Variants in PDE1C observed in about 807,000 individuals in gnomAD.
PDE1C encodes phosphodiesterase 1C.
PDE1C carries 62 observed loss-of-function variants against 93.1 expected under a neutral mutation model. The observed-to-expected ratio is 0.67, with a 90% CI of 0.54 to 0.82. The LOEUF is 0.82. Among genes scored for constraint, PDE1C ranks in the 40% least tolerant of loss-of-function variants. The pLI is 0.00. For synonymous variants in PDE1C, 325 were observed against 310.1 expected (o/e 1.05, Z -0.50); for missense variants, 742 against 884.6 (o/e 0.84, Z 2.04).
At chr7:31,850,088 A>T (rs1474283815) in intron 8 of PDE1C, among the ~76,000 whole-genome samples, 1 of 152,128 alleles carries the variant, frequency 6.6e-6, no homozygotes, top group Non-Finnish European at 1.5e-5. Flanking sequence ...AAGGATGCAC[A>T]GGTTGCTCAC....
intron 3 of PDE1C, among the ~76,000 whole-genome samples, chr7:32,079,490 C>T (rs1796536001): frequency 6.6e-6 from 1 of 152,194 alleles, no homozygotes; most frequent in Non-Finnish European, 1.5e-5. Flanking sequence ...ACCAATTTTT[C>T]TCTCTCATGA....
intron 2 of PDE1C, among the ~76,000 whole-genome samples, chr7:31,975,358 C>CA (rs1423715656): frequency 6.6e-6 from 1 of 152,134 alleles, no homozygotes; most frequent in Non-Finnish European, 1.5e-5. Context: ...TTACAGGTGA[C>CA]AAAAGCATCT....
chr7:32,360,093 G>T (rs2128085023), intron 1 of PDE1C, among the ~76,000 whole-genome samples: 1 of 152,258 alleles, frequency 6.6e-6, no homozygotes, highest in Admixed American at 6.5e-5. Context: ...GCAAAGGCCA[G>T]ACTCTCCCTT....
chr7:31,916,617 G>A (rs1457539673), intron 2 of PDE1C, among the ~76,000 whole-genome samples: 4 of 152,136 alleles, frequency 2.6e-5, no homozygotes, highest in Non-Finnish European at 5.9e-5. Flanking sequence ...GGTAGCTTTG[G>A]CATTGCTCAT....
At chr7:32,000,681 G>T (rs1329226175) in intron 2 of PDE1C, among the ~76,000 whole-genome samples, 1 of 152,094 alleles carries the variant, frequency 6.6e-6, no homozygotes, top group Non-Finnish European at 1.5e-5. Flanking sequence ...ACACGCTCAT[G>T]TCCCATGGGA....
At chr7:31,975,397 C>T (rs1458760904) in intron 2 of PDE1C, among the ~76,000 whole-genome samples, 3 of 152,054 alleles carry the variant, frequency 2.0e-5, no homozygotes, top group Admixed American at 6.6e-5. Flanking sequence ...CCGTGTAGCA[C>T]CAATCCCTTC....
chr7:32,234,257 A>C (rs1807915220), intron 1 of PDE1C, among the ~76,000 whole-genome samples: 1 of 151,938 alleles, frequency 6.6e-6, no homozygotes, highest in South Asian at 2.1e-4. Flanking sequence ...AATTAAACCC[A>C]CTGGAGCAGA....
chr7:31,722,675 TG>T, the PDE1C span, among the ~76,000 whole-genome samples: 1 of 151,986 alleles, frequency 6.6e-6, no homozygotes, highest in Non-Finnish European at 1.5e-5. Flanking sequence ...AGCAGGATGG[TG>T]GGAGAGCTGT....
At chr7:31,884,096 G>C (rs1379958360) in intron 2 of PDE1C, among the ~76,000 whole-genome samples, 4 of 152,130 alleles carry the variant, frequency 2.6e-5, no homozygotes, top group African/African-American at 9.7e-5. Context: ...ATGAGCAGAA[G>C]ATTCAATCAA....
intron 3 of PDE1C, among the ~76,000 whole-genome samples, chr7:32,152,649 A>G (rs1801328901): frequency 6.6e-6 from 1 of 152,210 alleles, no homozygotes; most frequent in African/African-American, 2.4e-5. Flanking sequence ...CCTACGATGC[A>G]GTTTAAATTA....
intron 2 of PDE1C, among the ~76,000 whole-genome samples, chr7:32,185,247 G>GAAAAAAAAA (rs60570476): frequency 9.8e-6 from 1 of 101,588 alleles, no homozygotes; most frequent in Non-Finnish European, 2.1e-5. Flanking sequence ...CTCTGTCTCA[G>GAAAAAAAAA]AAAAAAAAAA....
chr7:32,020,523 T>C (rs1788511222), intron 2 of PDE1C, among the ~76,000 whole-genome samples: 2 of 152,056 alleles, frequency 1.3e-5, no homozygotes, highest in Non-Finnish European at 1.5e-5. Context: ...TCTTTCAAAG[T>C]TGGCCACTTA....
chr7:32,398,781 C>A lies in PDE1C; in HGVS notation c.310+29041G>T, dbSNP rs116438299. On this transcript the variant is annotated intron_variant, in intron 1 of 1. Coordinates refer to the PDE1C transcript ENST00000672256. ...TAAATGACCTGATATTACTCTCCTT[C>A]CATCCTCCATTCTTCGGCACATTCT... 2.9e-3 allele frequency among the ~76,000 whole-genome samples: 448 copies of A among 152,150 alleles called. 2 individuals are homozygous for A. Among genetic ancestry groups the A allele is most frequent in the African/African-American group, 0.01 (423 of 41,512 alleles).
the PDE1C span, among the ~76,000 whole-genome samples, chr7:31,664,905 A>G: frequency 6.6e-6 from 1 of 152,220 alleles, no homozygotes; most frequent in African/African-American, 2.4e-5. Context: ...CTCAACAGCC[A>G]GAGTGGCCTT....
chr7:32,104,822 C>T (rs1344953008), intron 3 of PDE1C, among the ~76,000 whole-genome samples: 1 of 152,182 alleles, frequency 6.6e-6, no homozygotes, highest in African/African-American at 2.4e-5. Context: ...AACTATGACT[C>T]ACCATGCAAT....
intron 2 of PDE1C, among the ~76,000 whole-genome samples, chr7:32,017,390 A>C (rs1341748747): frequency 6.6e-6 from 1 of 152,170 alleles, no homozygotes. Context: ...AAAACTATAA[A>C]ACTCTTAGAA....
chr7:31,620,194 A>G, the PDE1C span, among the ~76,000 whole-genome samples: 172 of 152,068 alleles, frequency 1.1e-3, no homozygotes, highest in African/African-American at 4.0e-3. Flanking sequence ...CAGACAAACA[A>G]AAAGACAGCA....
intron 1 of PDE1C, among the ~76,000 whole-genome samples, chr7:32,315,431 A>C (rs1191152252): frequency 2.6e-5 from 4 of 152,180 alleles, no homozygotes; most frequent in Non-Finnish European, 5.9e-5. Context: ...GAAACACATC[A>C]AAATGCAACA....
chr7:32,375,103 C>A (rs1243464914), intron 1 of PDE1C, among the ~76,000 whole-genome samples: 1 of 152,052 alleles, frequency 6.6e-6, no homozygotes, highest in Admixed American at 6.5e-5. Flanking sequence ...ATACGGTATC[C>A]CAGGGCTACT....
Sources: gnomAD v4.1 joint callset for allele counts (sites outside exome capture counted in the v4.1 genomes callset) on GRCh38, gnomAD v4.1.1 for gene constraint, MANE v1.5 for transcripts, NCBI Gene and HGNC (gene_info 2026-07-23, HGNC 2026-07-21) for gene names.